COL7A1: variants seen among roughly 807,000 people sequenced by gnomAD.
COL7A1 encodes the protein collagen type VII alpha 1 chain.
Under a neutral mutation model 456.2 loss-of-function variants are expected in COL7A1, and 296 were observed. That is an observed-to-expected ratio of 0.65 (90% CI 0.59 to 0.71). The LOEUF (loss-of-function observed/expected upper bound fraction) is 0.71, where lower values mean the gene tolerates loss of function less well. Among genes scored for constraint, COL7A1 ranks in the 30% least tolerant of loss-of-function variants. The pLI is 0.00. For missense variants in COL7A1, 3,441 were observed against 4,017.2 expected (o/e 0.86, Z 3.88); for synonymous variants, 1,464 against 1,525.9 (o/e 0.96, Z 0.95).
Position 48,582,370 on chromosome 3 carries a change from G to C in COL7A1, c.4600-12C>G, listed in dbSNP as rs1216124870. 4 of 1,613,958 alleles carry C rather than the reference G, an allele frequency of 2.5e-6. No individual in the cohort carries two copies. The African/African-American group carries it at 4.0e-5, about 16-fold the overall frequency. On this transcript the variant is annotated splice_polypyrimidine_tract_variant and intron_variant, in intron 46 of 118. Transcript: ENST00000681320. ...CGACCAGGCTCCCCCTGTGGAGAGA[G>C]GATAGGAGCAGGGACAGGTCAGGGA...
At position 48,566,457 on chromosome 3, in the gene COL7A1, AGCCCACCCAG is replaced by A. The variant is rs539663232; in HGVS notation, c.8358+43_8358+52del. 3.7e-4 allele frequency: 593 copies of A among 1,607,956 alleles called. 4 individuals are homozygous for A. In the African/African-American group the frequency reaches 5.5e-3, roughly 15 times the overall value. On this transcript the variant is annotated intron_variant, in intron 113 of 118. Coordinates refer to ENST00000681320, the MANE Select transcript of COL7A1 (RefSeq NM_000094.4). This position sits in a 1 kb window ranked among gnomAD's most constrained non-coding sequence, Gnocchi z 5.9. ...TGCTGGGTGAGGGAGGTAGGGCCCC[AGCCCACCCAG>A]GCCCACCCAGGCCCTCCCAGGCCCA...
rs2045168569 is a variant in COL7A1 at position 48,585,405 on chromosome 3, T to TC, written c.3894+151dup. 1.1e-6 allele frequency: 1 copy of TC among 923,972 alleles called. No individual in the cohort carries two copies. Among genetic ancestry groups the TC allele is most frequent in the African/African-American group, 1.6e-5 (1 of 60,944 alleles). The allele number at this position is 923,972 out of a possible 1,614,324, so 57.2% of individuals were successfully genotyped here. Reference sequence around the variant, plus strand: ...CCACTGGCCCTTCTATTTCAGAGTGTCCCCCAAAGTCTCTGTGGTGGTTTA... The same window carrying TC: ...CCACTGGCCCTTCTATTTCAGAGTGTCCCCCCAAAGTCTCTGTGGTGGTTTA... On this transcript the variant is annotated intron_variant, in intron 32 of 118. Transcript: ENST00000681320. This position sits in a 1 kb window ranked among gnomAD's most constrained non-coding sequence, Gnocchi z 4.5.
rs985259144 is a variant in COL7A1 at position 48,594,995 on chromosome 3, G to T, written c.85+80C>A. The T allele has an allele frequency of 2.6e-6, 3 of 1,157,256 alleles. No homozygotes were observed. Among genetic ancestry groups the T allele is most frequent in the South Asian group, 1.3e-5 (1 of 74,888 alleles). The allele number at this position is 1,157,256 out of a possible 1,614,324, so 71.7% of individuals were successfully genotyped here. ...GAGTTGGCTGGGTTGTGGGCGGGGG[G>T]TGTTGGGGATGAAGGCCGAGTGGAG... On this transcript the variant is annotated intron_variant, in intron 2 of 118. Transcript: ENST00000681320. This position sits in a 1 kb window ranked among gnomAD's most constrained non-coding sequence, Gnocchi z 5.5.
Position 48,571,660 on chromosome 3 carries a change from CA to C in COL7A1, c.7068+340del. The C allele has an allele frequency of 3.1e-6, 2 of 653,500 alleles. No homozygotes were observed. Among genetic ancestry groups the C allele is most frequent in the South Asian group, 3.1e-5 (2 of 65,342 alleles). The allele number at this position is 653,500 out of a possible 1,614,324, so 40.5% of individuals were successfully genotyped here. A position where few individuals can be genotyped will look rare whatever the true frequency, so the allele number is the denominator to read the frequency against. On this transcript the variant is annotated intron_variant, in intron 92 of 118. Coordinates refer to ENST00000681320, the MANE Select transcript of COL7A1 (RefSeq NM_000094.4). This position sits in a 1 kb window ranked among gnomAD's most constrained non-coding sequence, Gnocchi z 4.6. ...CAGGCTGAACGCTGGCAGCCAGGGG[CA>C]GGGGAAAGGAGGATTGTAAACACAG...
rs766562767 is a variant in COL7A1, at chr3:48,566,976, G to A, written c.8157C>T (p.Gly2719=). Residue 2719 remains glycine, a synonymous_variant, in exon 111 of 119, where the codon GGC becomes GGT. Coordinates refer to ENST00000681320, the MANE Select transcript of COL7A1 (RefSeq NM_000094.4). This position sits in a 1 kb window ranked among gnomAD's most constrained non-coding sequence, Gnocchi z 5.9. ...CAGGTGGCCCTGGGGGACCAGCAGA[G>A]CCATCATTTCCACTGGGGCCTGGGA... The part of the protein sequence containing the change: ...GGFPGPSGND[G]SAGPPGPPGS... The A allele has an allele frequency of 2.5e-5, 41 of 1,611,706 alleles. No homozygotes were observed. The highest frequency in any genetic ancestry group is 1.5e-5 in the Non-Finnish European group (18 of 1,178,328).
rs1467683481 is a variant in COL7A1, at chr3:48,581,927, C to T, written c.4652G>A (p.Gly1551Glu). ...DPAVVGPAVA[G>E]PKGEKGDVGP... The stretch of plus-strand genomic sequence containing the variant: ...CAGGCTTACCTTTTCTCCTTTGGGT[C>T]CAGCAACAGCAGGTCCCTGAAAACA... Residue 1551 changes from glycine (G) to glutamate (E), a missense_variant, in exon 48 of 119, where the codon GGA becomes GAA. By Grantham distance (98) the Gly-to-Glu change is moderately conservative. Coordinates refer to ENST00000681320, the MANE Select transcript of COL7A1 (RefSeq NM_000094.4). The surrounding 1 kb of genome is among the most constrained non-coding windows in gnomAD (Gnocchi z 5.8). The T allele has an allele frequency of 6.2e-7, 1 of 1,613,936 alleles. No individual in the cohort carries two copies. Among genetic ancestry groups the T allele is most frequent in the Non-Finnish European group, 8.5e-7 (1 of 1,180,038 alleles).
rs2045605296 is a variant in COL7A1 at position 48,590,369 on chromosome 3, G to A, written c.1907-13C>T. The A allele has an allele frequency of 5.0e-6, 8 of 1,614,044 alleles. No homozygotes were observed. Among genetic ancestry groups the A allele is most frequent in the Non-Finnish European group, 6.8e-6 (8 of 1,179,982 alleles). ...CTGGACTCCGGACCTGAGGTCAGAG[G>A]GAAATGCTGGCATGGCTCCTGCCTG... is the stretch of plus-strand genomic sequence containing the variant. On this transcript the variant is annotated splice_polypyrimidine_tract_variant and intron_variant, in intron 15 of 118. Coordinates refer to ENST00000681320, the MANE Select transcript of COL7A1 (RefSeq NM_000094.4). The surrounding 1 kb of genome is among the most constrained non-coding windows in gnomAD (Gnocchi z 4.6).
chr3:48,573,458 G>A lies in COL7A1; in HGVS notation c.6618+55C>T. The A allele has an allele frequency of 6.2e-7, 1 of 1,613,666 alleles. No homozygotes were observed. The highest frequency in any genetic ancestry group is 8.5e-7 in the Non-Finnish European group (1 of 1,179,676). ...CAGGAGGTTGGCGCACACTACCCCAGGCATGGACACAGCTTGAAGGAGCCT... is the reference window on the plus strand; with the variant it reads ...CAGGAGGTTGGCGCACACTACCCCAAGCATGGACACAGCTTGAAGGAGCCT... On this transcript the variant is annotated intron_variant, in intron 83 of 118. Transcript: ENST00000681320. This position sits in a 1 kb window ranked among gnomAD's most constrained non-coding sequence, Gnocchi z 5.5.
chr3:48,584,496 G>A lies in COL7A1; in HGVS notation c.4108C>T (p.Pro1370Ser). 6.2e-7 allele frequency: 1 copy of A among 1,613,974 alleles called. No homozygotes were observed. Among genetic ancestry groups the A allele is most frequent in the Non-Finnish European group, 8.5e-7 (1 of 1,179,984 alleles). ...GPGLPGRKGD[P>S]GPSGPPGPRG... Reference sequence around the variant, plus strand: ...TACCCTGCACTTACCGATGGTCCAGGGTCCCCTTTCCGCCCAGGAAGCCCA... The same window carrying A: ...TACCCTGCACTTACCGATGGTCCAGAGTCCCCTTTCCGCCCAGGAAGCCCA... Residue 1370 changes from proline to serine, a missense_variant, in exon 36 of 119, where the codon CCT becomes TCT. By Grantham distance (74) the Pro-to-Ser change is moderately conservative. This residue lies in a region of COL7A1 where 2,084 missense variants were observed against 2,501.3 expected (regional missense o/e 0.83). Coordinates refer to ENST00000681320, the MANE Select transcript of COL7A1 (RefSeq NM_000094.4).
At position 48,591,531 on chromosome 3, in the gene COL7A1, C is replaced by T. The variant is rs2045699122; in HGVS notation, c.1569G>A (p.Arg523=). The part of the protein sequence containing the change: ...DLQATELPGQ[R]VRVSWSPVPG... ...GGACTGGGCTCCAGGACACTCGCAC[C>T]CGCTGCCCGGGCAGCTCGGTGGCTT... Residue 523 remains arginine (R), a synonymous_variant, in exon 13 of 119, where the codon CGG becomes CGA. Transcript: ENST00000681320. The surrounding 1 kb of genome is among the most constrained non-coding windows in gnomAD (Gnocchi z 7.0). The T allele has an allele frequency of 1.2e-6, 2 of 1,613,988 alleles. No homozygotes were observed. Among genetic ancestry groups the T allele is most frequent in the Non-Finnish European group, 8.5e-7 (1 of 1,179,994 alleles).
chr3:48,576,386 G>A lies in COL7A1; in HGVS notation c.5772+14C>T, dbSNP rs1173854859. On this transcript the variant is annotated intron_variant, in intron 70 of 118. Transcript: ENST00000681320. ...TGTGGCTACCTGGGCATGTGGAAAA[G>A]GTGGGGGCCTCACCTGCTCCCCTTT... is the stretch of plus-strand genomic sequence containing the variant. 6 of 1,613,744 alleles carry A rather than the reference G, an allele frequency of 3.7e-6. No individual in the cohort carries two copies. The African/African-American group carries it at 8.0e-5, about 22-fold the overall frequency.
At position 48,580,568 on chromosome 3, in the gene COL7A1, G is replaced by A. The variant is rs570488411; in HGVS notation, c.5052+13C>T. The A allele has an allele frequency of 6.2e-7, 1 of 1,613,328 alleles. No homozygotes were observed. The highest frequency in any genetic ancestry group is 1.1e-5 in the South Asian group (1 of 91,012). ...GTTAAGGTTGGGGTGAGGAGTCATA[G>A]GCTGGGACTCACATTTCGTCCATCC... On this transcript the variant is annotated intron_variant, in intron 55 of 118. Transcript: ENST00000681320. The surrounding 1 kb of genome is among the most constrained non-coding windows in gnomAD (Gnocchi z 4.5).
In COL7A1 at chr3:48,588,392, G is replaced by A. The variant is rs191043504; in HGVS notation, c.2600C>T (p.Pro867Leu). Residue 867 changes from proline (P) to leucine (L), a missense_variant, in exon 21 of 119, where the codon CCG becomes CTG. By Grantham distance (98) the Pro-to-Leu change is moderately conservative (BLOSUM62 -3). This residue lies in a region of COL7A1 where 444 missense variants were observed against 427.6 expected (regional missense o/e 1.04). Transcript: ENST00000681320. The surrounding 1 kb of genome is among the most constrained non-coding windows in gnomAD (Gnocchi z 4.6). ...SIVVTTPPEA[P>L]PALGTLHVVQ... ...CACGTGAAGCGTCCCCAGGGCTGGC[G>A]GAGCCTCAGGCGCTGGAGAGAAAGC... 405 of 1,610,462 alleles carry A rather than the reference G, an allele frequency of 2.5e-4. 2 individuals are homozygous for A. The Middle Eastern group carries it at 3.3e-3, about 13-fold the overall frequency.
Position 48,586,410 on chromosome 3 carries a change from G to A in COL7A1, c.3472C>T (p.Pro1158Ser). Residue 1158 changes from proline (P) to serine (S), a missense_variant, in exon 27 of 119, where the codon CCA (proline) becomes TCA (serine). Around this residue, in one of 3 missense-constraint regions of COL7A1, gnomAD observed 2,084 missense variants for 2,501.3 expected, o/e 0.83. Transcript: ENST00000681320. This position sits in a 1 kb window ranked among gnomAD's most constrained non-coding sequence, Gnocchi z 5.1. ...PDAPGRRQHV[P>S]GVMVLLVDEP... Reference sequence around the variant, plus strand: ...TCCACTAGCAGAACCATCACCCCTGGTACGTGCTGGCGGCGCCCAGGAGCA... The same window carrying A: ...TCCACTAGCAGAACCATCACCCCTGATACGTGCTGGCGGCGCCCAGGAGCA... The A allele has an allele frequency of 6.2e-7, 1 of 1,613,858 alleles. No homozygotes were observed. Among genetic ancestry groups the A allele is most frequent in the Non-Finnish European group, 8.5e-7 (1 of 1,180,012 alleles).
At position 48,584,070 on chromosome 3, in the gene COL7A1, C is replaced by G; in HGVS notation, c.4198-9G>C. On this transcript the variant is annotated splice_polypyrimidine_tract_variant and intron_variant, in intron 37 of 118. Coordinates refer to ENST00000681320, the MANE Select transcript of COL7A1 (RefSeq NM_000094.4). Reference sequence around the variant, plus strand: ...CGATCGCCTTTGTCACCCTAGAAAACAGATGACGACCCCATGACCCTGGGC... The same window carrying G: ...CGATCGCCTTTGTCACCCTAGAAAAGAGATGACGACCCCATGACCCTGGGC... 6.2e-7 allele frequency: 1 copy of G among 1,614,182 alleles called. No individual in the cohort carries two copies. Among genetic ancestry groups the G allele is most frequent in the Non-Finnish European group, 8.5e-7 (1 of 1,180,028 alleles).
chr3:48,584,479 A>G lies in COL7A1; in HGVS notation c.4119+6T>C. On this transcript the variant is annotated splice_donor_region_variant and intron_variant, in intron 36 of 118. Transcript: ENST00000681320. Reference sequence around the variant, plus strand: ...CATCACTTGCCTCCACATACCCTGCACTTACCGATGGTCCAGGGTCCCCTT... The same window carrying G: ...CATCACTTGCCTCCACATACCCTGCGCTTACCGATGGTCCAGGGTCCCCTT... 1.9e-6 allele frequency: 3 copies of G among 1,613,624 alleles called. No homozygotes were observed. Among genetic ancestry groups the G allele is most frequent in the Non-Finnish European group, 2.5e-6 (3 of 1,179,886 alleles).
chr3:48,586,745 G>A lies in COL7A1; in HGVS notation c.3277-56C>T. On this transcript the variant is annotated intron_variant, in intron 25 of 118. Coordinates refer to ENST00000681320, the MANE Select transcript of COL7A1 (RefSeq NM_000094.4). This position sits in a 1 kb window ranked among gnomAD's most constrained non-coding sequence, Gnocchi z 5.1. ...AGGATGACAGAGCAGGGATGGGGGT[G>A]CACAGAGCCTGGAGAAACACATCAG... 1 of 1,548,290 alleles carries A rather than the reference G, an allele frequency of 6.5e-7. No individual in the cohort carries two copies. The highest frequency in any genetic ancestry group is 1.2e-5 in the South Asian group (1 of 83,954).
Position 48,582,364 on chromosome 3 carries a change from G to C in COL7A1, c.4600-6C>G. ...CCAGGGCGACCAGGCTCCCCCTGTG[G>C]AGAGAGGATAGGAGCAGGGACAGGT... On this transcript the variant is annotated splice_polypyrimidine_tract_variant and splice_region_variant and intron_variant, in intron 46 of 118. Transcript: ENST00000681320. The C allele has an allele frequency of 1.9e-6, 3 of 1,614,054 alleles. No homozygotes were observed. The highest frequency in any genetic ancestry group is 2.5e-6 in the Non-Finnish European group (3 of 1,179,992).
At position 48,586,301 on chromosome 3, in the gene COL7A1, C is replaced by T. The variant is rs1392349628; in HGVS notation, c.3550+31G>A. ...GCCTTTTCAGGGCCACCCCTATTCC[C>T]AGACCCCTTCCCCATCAGCCTACTC... is the stretch of plus-strand genomic sequence containing the variant. On this transcript the variant is annotated intron_variant, in intron 27 of 118. Coordinates refer to ENST00000681320, the MANE Select transcript of COL7A1 (RefSeq NM_000094.4). This position sits in a 1 kb window ranked among gnomAD's most constrained non-coding sequence, Gnocchi z 5.1. The T allele has an allele frequency of 3.1e-6, 5 of 1,613,808 alleles. No individual in the cohort carries two copies. Among genetic ancestry groups the T allele is most frequent in the Non-Finnish European group, 4.2e-6 (5 of 1,180,004 alleles).
Sources: gnomAD v4.1 joint callset for allele counts on GRCh38, gnomAD v4.1.1 for gene constraint, gnomAD v4.1.1 regional missense constraint, Gnocchi (gnomAD v3.1) non-coding constraint, MANE v1.5 for transcripts, NCBI Gene and HGNC (gene_info 2026-07-23, HGNC 2026-07-21) for gene names.